MGAM: variants seen among roughly 807,000 people sequenced by gnomAD.
MGAM encodes the protein maltase-glucoamylase, also known as alpha-1,4-glucosidase.
A neutral mutation model predicts 358.8 loss-of-function variants in MGAM; 253 were observed. That is an observed-to-expected ratio of 0.71 (90% CI 0.64 to 0.78). The LOEUF (loss-of-function observed/expected upper bound fraction) is 0.78, where lower values mean the gene tolerates loss of function less well. Among genes scored for constraint, MGAM ranks in the 30% least tolerant of loss-of-function variants. The probability of loss-of-function intolerance (pLI) is 0.00; values close to 1 mark genes in which losing one functional copy is unlikely to be tolerated. For missense variants in MGAM, 3,080 were observed against 3,432.6 expected (o/e 0.90, Z 2.57); for synonymous variants, 1,105 against 1,227.1 (o/e 0.90, Z 2.08).
At chr7:142,093,662 C>T in intron 60 of MGAM, 112 bp downstream of exon 60, 2 of 1,164,458 alleles carry the variant, frequency 1.7e-6, no homozygotes, top group Non-Finnish European at 2.4e-6. Context: ...AGAAGATTCT[C>T]ATGACAACTG....
intron 58 of MGAM, 21 bp downstream of exon 58, chr7:142,092,068 G>A: frequency 6.5e-7 from 1 of 1,543,422 alleles, no homozygotes; most frequent in Middle Eastern, 1.7e-4. Flanking sequence ...GTGTGTCTCT[G>A]TGTACCAGTG....
At position 142,036,903 on chromosome 7, in the gene MGAM, A is replaced by T. The variant is rs1291198535; in HGVS notation, c.2157A>T (p.Leu719=). 6.2e-7 allele frequency: 1 copy of T among 1,613,524 alleles called. No individual in the cohort carries two copies. The highest frequency in any genetic ancestry group is 2.2e-5 in the East Asian group (1 of 44,878). The change falls in exon 18 of 71, where the codon CTA becomes CTT. Residue 719 remains leucine (L), a synonymous_variant. Coordinates refer to ENST00000475668, the MANE Select transcript of MGAM (RefSeq NM_001365693.1). ...SRHYLNIRYT[L]LPYLYTLFFR... ...ACTACCTTAACATCCGCTATACTCT[A>T]TTGCCCTACCTATACACCCTCTTCT...
chr7:142,065,092 G>A (rs1255866368), intron 37 of MGAM, among the ~76,000 whole-genome samples: 2 of 152,152 alleles, frequency 1.3e-5, no homozygotes, highest in African/African-American at 4.8e-5. Flanking sequence ...TAATTCCTTA[G>A]TATTTTGGGA....
chr7:142,076,882 G>T (rs2129050383), intron 47 of MGAM, 56 bp downstream of exon 47: 1 of 1,506,394 alleles, frequency 6.6e-7, no homozygotes, highest in Non-Finnish European at 9.1e-7. Flanking sequence ...GCACCATGAT[G>T]TTTCTTCTTG....
intron 21 of MGAM, among the ~76,000 whole-genome samples, chr7:142,044,040 T>C (rs1312573513): frequency 9.4e-5 from 13 of 137,632 alleles, no homozygotes; most frequent in African/African-American, 3.6e-4. Flanking sequence ...ATACGACGTA[T>C]AATATATACA....
At chr7:142,068,163 C>CT (rs1813009971) in intron 42 of MGAM, among the ~76,000 whole-genome samples, 1 of 116,344 alleles carries the variant, frequency 8.6e-6, no homozygotes, top group African/African-American at 2.8e-5. Context: ...ATTTTTTTTT[C>CT]TTTTTTTGTA....
intron 2 of MGAM, among the ~76,000 whole-genome samples, chr7:141,990,480 G>T (rs782059231): frequency 2.0e-5 from 3 of 151,986 alleles, no homozygotes; most frequent in Non-Finnish European, 4.4e-5. Flanking sequence ...GACAGCTCTG[G>T]GCAGTTTCTT....
rs1211475369 is a variant in MGAM at position 142,043,767 on chromosome 7, A to G, written c.2498+2921A>G. Among the ~76,000 whole-genome samples, 61 of 81,460 alleles carry G rather than the reference A, an allele frequency of 7.5e-4. 4 individuals carry two copies. Among genetic ancestry groups the G allele is most frequent in the South Asian group, 7.2e-3 (19 of 2,640 alleles). The allele number at this position is 81,460 out of a possible 152,430, so 53.4% of individuals were successfully genotyped here. A position where few individuals can be genotyped will look rare whatever the true frequency, so the allele number is the denominator to read the frequency against. On this transcript the variant is annotated intron_variant, in intron 21 of 70. Transcript: ENST00000475668. ...TATATACACATACGACATATAATATATACATTATATACACATACGACATAT... is the reference window on the plus strand; with the variant it reads ...TATATACACATACGACATATAATATGTACATTATATACACATACGACATAT...
At position 142,080,105 on chromosome 7, in the gene MGAM, T is replaced by C. The variant is rs78547585; in HGVS notation, c.5848-686T>C. ...CTGTGTTTGGTTAATGACTACCAAG[T>C]TTCTAATACTCTAGATTGTATTTCT... is the stretch of plus-strand genomic sequence containing the variant. On this transcript the variant is annotated intron_variant, in intron 49 of 70. Coordinates refer to ENST00000475668, the MANE Select transcript of MGAM (RefSeq NM_001365693.1). 8.6e-3 allele frequency among the ~76,000 whole-genome samples: 1,263 copies of C among 146,710 alleles called. 149 individuals are homozygous for C. The South Asian group carries it at 0.097, about 11-fold the overall frequency.
intron 49 of MGAM, among the ~76,000 whole-genome samples, chr7:142,080,299 T>G (rs560292896): frequency 6.8e-6 from 1 of 146,428 alleles, no homozygotes; most frequent in African/African-American, 2.4e-5. Context: ...AACACTGCCT[T>G]ATTGAGCTCA....
chr7:142,079,219 G>A (rs1468820681), intron 49 of MGAM, among the ~76,000 whole-genome samples: 1 of 145,820 alleles, frequency 6.9e-6, no homozygotes, highest in Non-Finnish European at 1.6e-5. Flanking sequence ...TTAGGAAAAT[G>A]GTTGGGAGAG....
chr7:142,082,902 G>GGT (rs1161744841), intron 52 of MGAM, among the ~76,000 whole-genome samples: 3 of 145,864 alleles, frequency 2.1e-5, no homozygotes, highest in African/African-American at 7.3e-5. Flanking sequence ...TTAGTCTGGG[G>GGT]ATTGTGAGGG....
At position 142,052,316 on chromosome 7, in the gene MGAM, A is replaced by G. The variant is rs1423313024; in HGVS notation, c.2828A>G (p.Asp943Gly). 1 of 1,606,320 alleles carries G rather than the reference A, an allele frequency of 6.2e-7. No homozygotes were observed. The highest frequency in any genetic ancestry group is 8.5e-7 in the Non-Finnish European group (1 of 1,175,928). ...NLKVAIITDIDLLLGEAYTVE... is the reference protein window; with the variant it reads ...NLKVAIITDIGLLLGEAYTVE... ...CAGGTTGCCATTATCACAGATATTG[A>G]TCTTCTCCTGGGAGAAGCATACACA... is the stretch of plus-strand genomic sequence containing the variant. The change falls in exon 25 of 71, where the codon GAT becomes GGT. Residue 943 changes from aspartate (D) to glycine (G), a missense_variant. Asp to Gly is a moderately conservative substitution (Grantham distance 94). Around this residue, in one of 5 missense-constraint regions of MGAM, gnomAD observed 1,816 missense variants for 1,840.5 expected, o/e 0.99. Coordinates refer to ENST00000475668, the MANE Select transcript of MGAM (RefSeq NM_001365693.1).
chr7:142,023,526 G>GA (rs1243356251), intron 7 of MGAM, among the ~76,000 whole-genome samples: 1 of 151,684 alleles, frequency 6.6e-6, no homozygotes, highest in African/African-American at 2.4e-5. Flanking sequence ...TTTCTTGTTA[G>GA]AAAAAACCAA....
At chr7:142,045,232 T>A (rs1342733281) in intron 21 of MGAM, among the ~76,000 whole-genome samples, 7 of 79,376 alleles carry the variant, frequency 8.8e-5, no homozygotes, top group Non-Finnish European at 1.6e-4. Flanking sequence ...TAATATATAT[T>A]ATATATCATA....
chr7:142,019,186 C>A lies in MGAM; in HGVS notation c.328-13C>A. The A allele has an allele frequency of 6.2e-7, 1 of 1,611,098 alleles. No individual in the cohort carries two copies. Among genetic ancestry groups the A allele is most frequent in the Non-Finnish European group, 8.5e-7 (1 of 1,178,506 alleles). Reference sequence around the variant, plus strand: ...AACTAAATGGAGCTTCTTTGACTAACCTCTTGTTTCAGGCCACATGTGACC... The same window carrying A: ...AACTAAATGGAGCTTCTTTGACTAAACTCTTGTTTCAGGCCACATGTGACC... On this transcript the variant is annotated splice_polypyrimidine_tract_variant and intron_variant, in intron 3 of 70. Coordinates refer to ENST00000475668, the MANE Select transcript of MGAM (RefSeq NM_001365693.1).
intron 21 of MGAM, among the ~76,000 whole-genome samples, chr7:142,042,026 TTATATTATATAC>T (rs1808811683): frequency 9.1e-5 from 2 of 22,096 alleles, no homozygotes; most frequent in African/African-American, 6.6e-4. Flanking sequence ...TATATATATA[TTATATTATATAC>T]ATATAATATA....
chr7:142,066,771 C>A, intron 41 of MGAM, 50 bp downstream of exon 41: 1 of 1,520,634 alleles, frequency 6.6e-7, no homozygotes, highest in Non-Finnish European at 9.0e-7. Context: ...TTATTGCATT[C>A]TATGTGGTAG....
At chr7:142,037,063 A>G in intron 18 of MGAM, 86 bp downstream of exon 18, 5 of 1,360,478 alleles carry the variant, frequency 3.7e-6, no homozygotes, top group Non-Finnish European at 3.1e-6. Context: ...GAAAACTGAA[A>G]CAATTCAGGC....
Sources: allele counts gnomAD v4.1 joint callset (sites outside exome capture counted in the v4.1 genomes callset), GRCh38; gene constraint gnomAD v4.1.1; regional missense constraint gnomAD v4.1.1; transcripts MANE v1.5; gene names NCBI Gene and HGNC (gene_info 2026-07-23, HGNC 2026-07-21).